Variants in SPAG16 observed in about 807,000 individuals in gnomAD.
SPAG16 encodes the protein sperm-associated antigen 16 protein.
SPAG16 carries 86 observed loss-of-function variants against 80.4 expected under a neutral mutation model. The ratio of observed to expected loss-of-function variants is 1.07; its 90% CI spans 0.90 to 1.28. SPAG16 has a LOEUF of 1.28. Ranked by LOEUF, SPAG16 falls within the 50% of genes most tolerant of loss-of-function variation. The pLI, the probability that SPAG16 is intolerant of heterozygous loss-of-function variation, is 0.00. For missense variants in SPAG16, 870 were observed against 765.3 expected, an observed-to-expected ratio of 1.14 and a Z score of -1.61; for synonymous variants, 294 against 265.9, an observed-to-expected ratio of 1.11 and a Z score of -1.03.
intron 15 of SPAG16, among the ~76,000 whole-genome samples, chr2:214,155,382 T>C (rs779214726): frequency 6.6e-5 from 10 of 152,208 alleles, no homozygotes; most frequent in Non-Finnish European, 1.3e-4. Flanking sequence ...TTTTCATATA[T>C]GGAGCTTTAT....
chr2:213,851,451 T>G (rs2074901948), intron 10 of SPAG16, among the ~76,000 whole-genome samples: 1 of 152,182 alleles, frequency 6.6e-6, no homozygotes, highest in South Asian at 2.1e-4. Context: ...GAGGTTGCAG[T>G]GAGCCAAGAT....
At chr2:214,390,860 G>T (rs1203310941) in intron 15 of SPAG16, among the ~76,000 whole-genome samples, 1 of 152,188 alleles carries the variant, frequency 6.6e-6, no homozygotes, top group Non-Finnish European at 1.5e-5. Context: ...AAGAGACAAG[G>T]CCATGTACAA....
At chr2:213,327,363 G>C (rs1458355047) in intron 5 of SPAG16, among the ~76,000 whole-genome samples, 1 of 152,000 alleles carries the variant, frequency 6.6e-6, no homozygotes, top group Non-Finnish European at 1.5e-5. Flanking sequence ...TTGTTCTACT[G>C]AATAGACTTC....
At chr2:213,497,456 T>A (rs2074542607) in intron 10 of SPAG16, among the ~76,000 whole-genome samples, 1 of 151,996 alleles carries the variant, frequency 6.6e-6, no homozygotes, top group East Asian at 1.9e-4. Context: ...GTTTTTTTTT[T>A]TTTTTATGGT....
At chr2:213,770,358 A>G (rs2069175247) in intron 10 of SPAG16, among the ~76,000 whole-genome samples, 1 of 152,044 alleles carries the variant, frequency 6.6e-6, no homozygotes, top group African/African-American at 2.4e-5. Flanking sequence ...ATTAAGAAGC[A>G]TTGTTTTCTA....
chr2:213,929,935 T>C lies in SPAG16; in HGVS notation c.1215-25T>C, dbSNP rs1232891714. 5 of 1,591,368 alleles carry C rather than the reference T, an allele frequency of 3.1e-6. No homozygotes were observed. The South Asian group carries it at 5.7e-5, about 18-fold the overall frequency. On this transcript the variant is annotated intron_variant, in intron 11 of 15. Coordinates refer to ENST00000331683, the MANE Select transcript of SPAG16 (RefSeq NM_024532.5). ...AAATTATGTTACTTTTTAAACAAGC[T>C]GTCTTTTTATGTTTTTGCAAATAGT...
At chr2:213,404,537 C>T (rs958828949) in intron 9 of SPAG16, among the ~76,000 whole-genome samples, 1 of 152,128 alleles carries the variant, frequency 6.6e-6, no homozygotes, top group African/African-American at 2.4e-5. Flanking sequence ...CCCTTCCTCA[C>T]ACCTTATAAA....
intron 15 of SPAG16, among the ~76,000 whole-genome samples, chr2:214,354,460 T>G (rs1017792300): frequency 6.6e-6 from 1 of 152,076 alleles, no homozygotes; most frequent in Admixed American, 6.5e-5. Context: ...TCTTTTGGCT[T>G]AGAATTGACT....
chr2:213,656,968 C>A (rs1031766602), intron 10 of SPAG16, among the ~76,000 whole-genome samples: 5 of 152,086 alleles, frequency 3.3e-5, no homozygotes, highest in Non-Finnish European at 7.4e-5. Flanking sequence ...CCTGTCTGAA[C>A]GTTTCATTTC....
At chr2:214,120,884 A>T (rs911720544) in intron 14 of SPAG16, among the ~76,000 whole-genome samples, 1 of 151,864 alleles carries the variant, frequency 6.6e-6, no homozygotes, top group Non-Finnish European at 1.5e-5. Flanking sequence ...AGTTACCATT[A>T]GTCATTTTGC....
chr2:213,702,398 A>G (rs2065487481), intron 10 of SPAG16, among the ~76,000 whole-genome samples: 1 of 152,218 alleles, frequency 6.6e-6, no homozygotes, highest in Non-Finnish European at 1.5e-5. Flanking sequence ...GGGTCCATGC[A>G]GCATTTATGA....
In SPAG16 at chr2:213,379,755, T is replaced by C. The variant is rs897379724; in HGVS notation, c.942+4636T>C. 6.6e-5 allele frequency among the ~76,000 whole-genome samples: 10 copies of C among 152,274 alleles called. 1 individual carries two copies. The Middle Eastern group carries it at 0.02, about 311-fold the overall frequency. ...AGGGCTCAGTGTTGGTCTCTGCTGC[T>C]GGCAAATTGGGCACTCAGCAGTAGC... On this transcript the variant is annotated intron_variant, in intron 9 of 15. Coordinates refer to ENST00000331683, the MANE Select transcript of SPAG16 (RefSeq NM_024532.5).
At chr2:213,418,902 T>C (rs2069423330) in intron 9 of SPAG16, among the ~76,000 whole-genome samples, 1 of 152,198 alleles carries the variant, frequency 6.6e-6, no homozygotes, top group Non-Finnish European at 1.5e-5. Context: ...AGGGGCACCA[T>C]CAACTATACA....
At chr2:214,099,787 T>C (rs2052867695) in intron 13 of SPAG16, among the ~76,000 whole-genome samples, 1 of 152,058 alleles carries the variant, frequency 6.6e-6, no homozygotes, top group Non-Finnish European at 1.5e-5. Context: ...TAATAAAAAT[T>C]GTAGGGATGT....
At chr2:214,129,768 C>T (rs748221090) in intron 14 of SPAG16, among the ~76,000 whole-genome samples, 13 of 152,060 alleles carry the variant, frequency 8.5e-5, no homozygotes, top group Non-Finnish European at 1.8e-4. Flanking sequence ...TATTATCTTT[C>T]AGAAATATAT....
intron 11 of SPAG16, among the ~76,000 whole-genome samples, chr2:213,900,818 G>A (rs1329230584): frequency 6.6e-6 from 1 of 152,010 alleles, no homozygotes; most frequent in Non-Finnish European, 1.5e-5. Context: ...TCATTTTAAA[G>A]GCCATAGCCT....
intron 15 of SPAG16, among the ~76,000 whole-genome samples, chr2:214,279,256 C>T (rs1692713052): frequency 6.6e-6 from 1 of 152,098 alleles, no homozygotes; most frequent in Non-Finnish European, 1.5e-5. Flanking sequence ...ACCACAATGC[C>T]CAGCTAATTT....
At chr2:213,529,430 A>G (rs746519881) in intron 10 of SPAG16, among the ~76,000 whole-genome samples, 1 of 152,196 alleles carries the variant, frequency 6.6e-6, no homozygotes, top group Non-Finnish European at 1.5e-5. Context: ...AGAAAGGTGA[A>G]CAATGGGCTC....
chr2:214,184,447 A>T (rs548074534), intron 15 of SPAG16, among the ~76,000 whole-genome samples: 11 of 152,232 alleles, frequency 7.2e-5, no homozygotes, highest in Non-Finnish European at 1.3e-4. Context: ...TCACTCATAA[A>T]ATATTAATGT....
Sources: allele counts gnomAD v4.1 joint callset (sites outside exome capture counted in the v4.1 genomes callset), GRCh38; gene constraint gnomAD v4.1.1; transcripts MANE v1.5; gene names NCBI Gene and HGNC (gene_info 2026-07-23, HGNC 2026-07-21).